DTNB: variants seen among roughly 807,000 people sequenced by gnomAD.
DTNB encodes the protein dystrobrevin beta, also known as DTN-B.
In DTNB, 63 loss-of-function variants were observed where a neutral mutation model predicts 90.7. That is an observed-to-expected ratio of 0.69 (90% CI 0.57 to 0.86). DTNB has a LOEUF of 0.86. DTNB is among the 40% of genes least tolerant of loss of function. The pLI is 0.00. For missense variants in DTNB, 744 were observed against 807.1 expected, an observed-to-expected ratio of 0.92 and a Z score of 0.95; for synonymous variants, 277 against 286.7, an observed-to-expected ratio of 0.97 and a Z score of 0.34.
At chr2:25,454,263 A>G (rs1261206808) in intron 11 of DTNB, among the ~76,000 whole-genome samples, 2 of 152,238 alleles carry the variant, frequency 1.3e-5, no homozygotes, top group African/African-American at 4.8e-5. Flanking sequence ...AAAACGGTAT[A>G]AAGTATAATA....
intron 9 of DTNB, among the ~76,000 whole-genome samples, chr2:25,508,659 C>T (rs576187615): frequency 1.5e-4 from 23 of 151,894 alleles, no homozygotes; most frequent in Non-Finnish European, 2.9e-4. Flanking sequence ...CTCAGCCTGC[C>T]GAGAAACTGG....
At chr2:25,493,869 A>G (rs755095528) in intron 9 of DTNB, among the ~76,000 whole-genome samples, 1 of 152,250 alleles carries the variant, frequency 6.6e-6, no homozygotes, top group Non-Finnish European at 1.5e-5. Flanking sequence ...TTAGCTTAAC[A>G]TATTACAATA....
At position 25,576,886 on chromosome 2, in the gene DTNB, G is replaced by T. The variant is rs373794202; in HGVS notation, c.828C>A (p.Ala276=). The change falls in exon 8 of 21, where the codon GCC becomes GCA. Residue 276 remains alanine (A), a synonymous_variant. Transcript: ENST00000406818. ...LCQNCFWRGH[A]GGPHSNQHQM... ...GGTGCTGGTTGCTGTGAGGGCCGCCGGCATGGCCACGCCAAAAGCAATTCT... is the reference window on the plus strand; with the variant it reads ...GGTGCTGGTTGCTGTGAGGGCCGCCTGCATGGCCACGCCAAAAGCAATTCT... 6.2e-7 allele frequency: 1 copy of T among 1,613,202 alleles called. No individual in the cohort carries two copies. The highest frequency in any genetic ancestry group is 8.5e-7 in the Non-Finnish European group (1 of 1,179,588).
At chr2:25,563,666 G>A (rs958433469) in intron 8 of DTNB, among the ~76,000 whole-genome samples, 2 of 135,786 alleles carry the variant, frequency 1.5e-5, no homozygotes. Flanking sequence ...TCTTTTGCCT[G>A]TGAATATCCA....
chr2:25,639,967 C>A (rs1324586481), intron 2 of DTNB, among the ~76,000 whole-genome samples: 1 of 152,198 alleles, frequency 6.6e-6, no homozygotes, highest in African/African-American at 2.4e-5. Flanking sequence ...GGCGAGCGAG[C>A]CTTCAAATGA....
intron 8 of DTNB, among the ~76,000 whole-genome samples, chr2:25,574,955 CTT>C (rs368738149): frequency 3.9e-5 from 6 of 152,202 alleles, no homozygotes; most frequent in African/African-American, 9.6e-5. Flanking sequence ...CTGTATGTAT[CTT>C]ATAACTCAAT....
At chr2:25,521,531 A>G (rs1008498142) in intron 9 of DTNB, among the ~76,000 whole-genome samples, 2 of 151,834 alleles carry the variant, frequency 1.3e-5, no homozygotes, top group African/African-American at 4.8e-5. Context: ...TTACAGGTGC[A>G]TGCAACTGTA....
chr2:25,379,501 T>C, intron 19 of DTNB, 178 bp from the exon 20 acceptor site: 1 of 718,552 alleles, frequency 1.4e-6, no homozygotes, highest in Non-Finnish European at 1.9e-6. Context: ...TCATACTTTC[T>C]ACTACTGTAG....
chr2:25,383,787 G>A (rs762404766), intron 19 of DTNB, 49 bp downstream of exon 19: 4 of 1,614,012 alleles, frequency 2.5e-6, no homozygotes, highest in South Asian at 1.1e-5. Context: ...GCTGATCCAT[G>A]AGCTCGGGCT....
intron 9 of DTNB, among the ~76,000 whole-genome samples, chr2:25,510,862 C>T (rs1158389204): frequency 6.6e-6 from 1 of 152,196 alleles, no homozygotes; most frequent in Non-Finnish European, 1.5e-5. Context: ...TTTCTGGGAG[C>T]ACCACCCAAA....
intron 14 of DTNB, among the ~76,000 whole-genome samples, chr2:25,432,341 T>C (rs1376587064): frequency 6.6e-6 from 1 of 151,992 alleles, no homozygotes; most frequent in Non-Finnish European, 1.5e-5. Context: ...TCAAACATGG[T>C]GGTGACGCTG....
chr2:25,632,156 G>A (rs979353643), intron 3 of DTNB, among the ~76,000 whole-genome samples: 3 of 130,936 alleles, frequency 2.3e-5, no homozygotes, highest in Non-Finnish European at 3.1e-5. Flanking sequence ...TCTCAGCCCT[G>A]CACTCCAGCC....
chr2:25,572,463 T>A (rs2060019990), intron 8 of DTNB, among the ~76,000 whole-genome samples: 1 of 143,844 alleles, frequency 7.0e-6, no homozygotes. Flanking sequence ...CGAGACTCCA[T>A]CGCCAAAAAA....
chr2:25,410,998 T>C (rs1220200594), intron 16 of DTNB, among the ~76,000 whole-genome samples: 1 of 151,726 alleles, frequency 6.6e-6, no homozygotes, highest in African/African-American at 2.4e-5. Flanking sequence ...TTCAGGGCAA[T>C]TTGAATCTTT....
chr2:25,653,345 A>G (rs1020334509), intron 1 of DTNB, among the ~76,000 whole-genome samples: 14 of 150,542 alleles, frequency 9.3e-5, no homozygotes, highest in African/African-American at 3.4e-4. Flanking sequence ...TGCTGCTGCC[A>G]TGTAAAAAGT....
chr2:25,528,564 A>G (rs1013956659), intron 9 of DTNB, among the ~76,000 whole-genome samples: 7 of 152,250 alleles, frequency 4.6e-5, no homozygotes, highest in Admixed American at 1.3e-4. Context: ...GAATTAACGA[A>G]CAATTTAAGC....
At chr2:25,652,435 T>C (rs1405312586) in intron 2 of DTNB, among the ~76,000 whole-genome samples, 159 bp downstream of exon 2, 1 of 151,712 alleles carries the variant, frequency 6.6e-6, no homozygotes, top group Admixed American at 6.6e-5. Flanking sequence ...ATGCTTTGGC[T>C]TGGGGTCCTT....
intron 8 of DTNB, among the ~76,000 whole-genome samples, chr2:25,555,427 ACT>A (rs1340793978): frequency 6.6e-6 from 1 of 152,174 alleles, no homozygotes; most frequent in Non-Finnish European, 1.5e-5. Context: ...AAAAAGGATA[ACT>A]CAGACATTCC....
At chr2:25,413,980 T>C (rs2047246855) in intron 16 of DTNB, among the ~76,000 whole-genome samples, 1 of 152,172 alleles carries the variant, frequency 6.6e-6, no homozygotes. Context: ...TTCTAACTGG[T>C]GTGAGATGGT....
Sources: allele counts gnomAD v4.1 joint callset (sites outside exome capture counted in the v4.1 genomes callset), GRCh38; gene constraint gnomAD v4.1.1; transcripts MANE v1.5; gene names NCBI Gene and HGNC (gene_info 2026-07-23, HGNC 2026-07-21).